The following DAB1 variants were observed in gnomAD, a reference collection of about 807,000 sequenced individuals.
DAB1 encodes DAB adaptor protein 1, also known as disabled homolog 1.
DAB1 carries 15 observed loss-of-function variants against 64.6 expected under a neutral mutation model. The observed-to-expected ratio is 0.23, with a 90% CI of 0.16 to 0.36. DAB1 has a LOEUF of 0.36. DAB1 is among the 10% of genes least tolerant of loss of function. The pLI is 1.00. For missense variants in DAB1, 596 were observed against 706.7 expected (o/e 0.84, Z 1.78); for synonymous variants, 235 against 251.9 (o/e 0.93, Z 0.64).
intron 1 of DAB1, among the ~76,000 whole-genome samples, chr1:58,541,124 T>A (rs1646602477): frequency 8.2e-5 from 1 of 12,258 alleles, no homozygotes; most frequent in Non-Finnish European, 2.4e-4. Flanking sequence ...TGAAACCCCG[T>A]CTCTACTAAA....
chr1:57,601,438 G>A (rs1219449871), intron 7 of DAB1, among the ~76,000 whole-genome samples: 1 of 151,992 alleles, frequency 6.6e-6, no homozygotes, highest in Non-Finnish European at 1.5e-5. Context: ...CAGGCATGGT[G>A]GTAGCTGTAA....
At chr1:57,332,212 C>A (rs1223395419) in intron 1 of DAB1, among the ~76,000 whole-genome samples, 3 of 135,686 alleles carry the variant, frequency 2.2e-5, no homozygotes, top group Non-Finnish European at 3.5e-5. Flanking sequence ...AATCTGCCCG[C>A]CTTGGCCTCC....
intron 5 of DAB1, among the ~76,000 whole-genome samples, chr1:58,135,953 G>A (rs543472841): frequency 3.9e-5 from 6 of 152,110 alleles, no homozygotes; most frequent in South Asian, 2.1e-4. Context: ...CCCTCTCTGC[G>A]GTGCAGTGTA....
At chr1:57,112,583 G>A (rs1329578857) in intron 4 of DAB1, among the ~76,000 whole-genome samples, 1 of 152,042 alleles carries the variant, frequency 6.6e-6, no homozygotes, top group Admixed American at 6.6e-5. Flanking sequence ...CCAGTTTCCT[G>A]TAAACTCAAG....
chr1:57,086,984 T>C (rs1033053387), intron 4 of DAB1, among the ~76,000 whole-genome samples: 8 of 152,152 alleles, frequency 5.3e-5, no homozygotes, highest in Non-Finnish European at 1.2e-4. Flanking sequence ...ATTTGTGGGA[T>C]ACTGTTTCAG....
At chr1:57,876,522 T>C (rs1456081885) in intron 1 of DAB1, 1 of 152,206 alleles carries the variant, frequency 6.6e-6, no homozygotes, top group Non-Finnish European at 1.5e-5. Context: ...GATTCAGGAC[T>C]TCATGTTGAA....
At chr1:57,926,606 G>T (rs1644883478) in intron 5 of DAB1, among the ~76,000 whole-genome samples, 2 of 152,158 alleles carry the variant, frequency 1.3e-5, no homozygotes, top group Admixed American at 1.3e-4. Flanking sequence ...TAATGATCCT[G>T]TTCTTGTTTT....
intron 11 of DAB1, among the ~76,000 whole-genome samples, chr1:57,016,402 C>T (rs1252627355): frequency 6.6e-6 from 1 of 151,880 alleles, no homozygotes; most frequent in Non-Finnish European, 1.5e-5. Context: ...AGCAACATAA[C>T]AAGACCTCTT....
chr1:57,757,599 G>A (rs1320997983), intron 6 of DAB1, among the ~76,000 whole-genome samples: 1 of 152,028 alleles, frequency 6.6e-6, no homozygotes, highest in African/African-American at 2.4e-5. Flanking sequence ...CTGTCTCTGT[G>A]TCTAAATTTC....
At chr1:57,020,208 T>C (rs1290564391) in intron 11 of DAB1, among the ~76,000 whole-genome samples, 2 of 152,208 alleles carry the variant, frequency 1.3e-5, no homozygotes, top group African/African-American at 2.4e-5. Context: ...CTTTAATTTG[T>C]ATAGGAGAAA....
chr1:58,250,411 C>G (rs1376964452), intron 4 of DAB1, among the ~76,000 whole-genome samples: 1 of 152,248 alleles, frequency 6.6e-6, no homozygotes, highest in Non-Finnish European at 1.5e-5. Context: ...GATGCTCACT[C>G]CTAGCGGCTC....
At position 58,457,305 on chromosome 1, in the gene DAB1, G is replaced by T. The variant is rs577390979; in HGVS notation, n.257+48755C>A. ...CAAGAAGTAGCGAGGAAAACCACCC[G>T]AGAGTCAGACAGTGCTCCCTCCCTC... On this transcript the variant is annotated intron_variant and non_coding_transcript_variant, in intron 3 of 20. Coordinates refer to the DAB1 transcript ENST00000485760. Among the ~76,000 whole-genome samples, 6 of 152,250 alleles carry T rather than the reference G, an allele frequency of 3.9e-5. No homozygotes were observed. In the South Asian group the frequency reaches 1.2e-3, roughly 32 times the overall value.
intron 6 of DAB1, among the ~76,000 whole-genome samples, chr1:57,737,551 C>T (rs576335273): frequency 8.5e-5 from 13 of 152,276 alleles, no homozygotes; most frequent in South Asian, 2.1e-4. Flanking sequence ...AGGAAAATGA[C>T]GGGCACGTAC....
chr1:57,528,637 GAC>G (rs372009576), intron 7 of DAB1, among the ~76,000 whole-genome samples: 3,443 of 22,078 alleles, frequency 0.16, 129 homozygotes, highest in African/African-American at 0.17. Context: ...AAAGCAGCAG[GAC>G]ACACACACAC....
intron 1 of DAB1, among the ~76,000 whole-genome samples, chr1:57,372,945 G>A (rs1317767985): frequency 1.3e-5 from 2 of 151,944 alleles, no homozygotes; most frequent in Admixed American, 6.6e-5. Context: ...GGGAGGCCGA[G>A]GTGAGAGGAT....
intron 3 of DAB1, among the ~76,000 whole-genome samples, chr1:58,499,075 T>G (rs567969228): frequency 2.0e-5 from 3 of 152,072 alleles, no homozygotes; most frequent in Admixed American, 6.5e-5. Flanking sequence ...AATCCTACCA[T>G]TTGTAACAGT....
At chr1:58,326,513 T>A (rs1557732124) in intron 4 of DAB1, among the ~76,000 whole-genome samples, 1 of 152,232 alleles carries the variant, frequency 6.6e-6, no homozygotes, top group Non-Finnish European at 1.5e-5. Flanking sequence ...TGCAAACAGA[T>A]TCCACCTGAA....
intron 7 of DAB1, among the ~76,000 whole-genome samples, chr1:57,551,591 G>A (rs988165694): frequency 1.3e-5 from 2 of 152,094 alleles, no homozygotes; most frequent in Non-Finnish European, 1.5e-5. Flanking sequence ...GGGAGAGGGG[G>A]TGGCGTTTGG....
chr1:57,315,499 C>T (rs1049546979), intron 1 of DAB1, among the ~76,000 whole-genome samples: 1 of 152,058 alleles, frequency 6.6e-6, no homozygotes, highest in African/African-American at 2.4e-5. Flanking sequence ...GAAAGCTTAC[C>T]TATTATATGA....
Sources: gnomAD v4.1 joint callset for allele counts (sites outside exome capture counted in the v4.1 genomes callset) on GRCh38, gnomAD v4.1.1 for gene constraint, MANE v1.5 for transcripts, NCBI Gene and HGNC (gene_info 2026-07-23, HGNC 2026-07-21) for gene names.